Variants in CCDC144A observed in about 807,000 individuals in gnomAD.
CCDC144A encodes coiled-coil domain containing 144A, also known as coiled-coil domain-containing protein 144A.
Under a neutral mutation model 143.8 loss-of-function variants are expected in CCDC144A, and 41 were observed. The ratio of observed to expected loss-of-function variants is 0.29; its 90% CI spans 0.22 to 0.37. The LOEUF is 0.37. Ranked by LOEUF, CCDC144A falls within the 10% of genes least tolerant of loss-of-function variation. CCDC144A has a pLI of 1.00. For missense variants in CCDC144A, 637 were observed against 1,488.8 expected (o/e 0.43, Z 9.41); for synonymous variants, 242 against 517.9 (o/e 0.47, Z 7.23).
rs537987500 is a variant in CCDC144A at position 16,776,928 on chromosome 17, A to T, written c.*3295A>T. On this transcript the variant is annotated 3_prime_UTR_variant, in exon 17 of 17. Coordinates refer to ENST00000399273, the MANE Select transcript of CCDC144A (RefSeq NM_001382000.1). ...ATATAGAATGGCAGAATGGGTAAGA[A>T]TTCACCAACCAAGTTGCTGCTGTCT... 2.0e-5 allele frequency: 3 copies of T among 147,716 alleles called. No individual in the cohort carries two copies. Among genetic ancestry groups the T allele is most frequent in the Non-Finnish European group, 4.5e-5 (3 of 66,674 alleles). 9.2% of individuals were successfully genotyped at this position (147,716 alleles called of 1,614,324 possible).
intron 12 of CCDC144A, among the ~76,000 whole-genome samples, chr17:16,752,410 G>A (rs1397902349): frequency 1.3e-5 from 2 of 152,280 alleles, no homozygotes; most frequent in East Asian, 3.9e-4. Context: ...GAGCACACCC[G>A]GCTCCCACAC....
intron 12 of CCDC144A, chr17:16,745,552 T>A (rs1914457911): frequency 2.9e-6 from 4 of 1,377,756 alleles, no homozygotes; most frequent in Non-Finnish European, 4.0e-6. Flanking sequence ...TAAGTTCTCC[T>A]TCCCAGTCAC....
chr17:16,675,335 A>C, the CCDC144A span, among the ~76,000 whole-genome samples: 1 of 151,752 alleles, frequency 6.6e-6, no homozygotes, highest in South Asian at 2.1e-4. Context: ...GTATTCAGGG[A>C]TAAAGAGAGA....
rs760344292 is a variant in CCDC144A at position 16,724,787 on chromosome 17, ATTTTTTTTTTTTTTTTTTTTTT to A, written c.1892-2725_1892-2704del. 7.1e-4 allele frequency among the ~76,000 whole-genome samples: 25 copies of A among 35,068 alleles called. 1 individual carries two copies. Among genetic ancestry groups the A allele is most frequent in the Admixed American group, 4.8e-4 (1 of 2,086 alleles). 23.0% of individuals were successfully genotyped at this position (35,068 alleles called of 152,430 possible). The stretch of plus-strand genomic sequence containing the variant: ...AGATTACACGTTCTTGATTAACTGA[ATTTTTTTTTTTTTTTTTTTTTT>A]TTTTTTTTTTTTTTGGTATTTTTAG... On this transcript the variant is annotated intron_variant, in intron 8 of 16. Coordinates refer to ENST00000399273, the MANE Select transcript of CCDC144A (RefSeq NM_001382000.1).
At chr17:16,702,687 T>TA (rs1567585546) in intron 2 of CCDC144A, among the ~76,000 whole-genome samples, 1 of 151,932 alleles carries the variant, frequency 6.6e-6, no homozygotes, top group Admixed American at 6.6e-5. Context: ...AGTGTCAGGA[T>TA]AGAAGGAAGA....
intron 6 of CCDC144A, among the ~76,000 whole-genome samples, chr17:16,714,193 T>C (rs542101996): frequency 6.6e-6 from 1 of 152,352 alleles, no homozygotes; most frequent in South Asian, 2.1e-4. Context: ...CACATTGATA[T>C]GTCCCAGGAC....
intron 14 of CCDC144A, among the ~76,000 whole-genome samples, chr17:16,763,231 C>T (rs1190858836): frequency 6.6e-6 from 1 of 151,870 alleles, no homozygotes; most frequent in African/African-American, 2.4e-5. Flanking sequence ...GATACATGGG[C>T]CGCAGTGTTA....
chr17:16,715,584 G>T (rs1238786563), intron 6 of CCDC144A, among the ~76,000 whole-genome samples: 2 of 152,052 alleles, frequency 1.3e-5, no homozygotes, highest in Admixed American at 6.5e-5. Context: ...TAAAATATAA[G>T]GGTGGTAAAT....
the CCDC144A span, among the ~76,000 whole-genome samples, chr17:16,667,328 GA>G: frequency 2.1e-5 from 3 of 145,522 alleles, no homozygotes; most frequent in Non-Finnish European, 4.5e-5. Flanking sequence ...GGAGGCTGAG[GA>G]GGCTGAGGCG....
intron 15 of CCDC144A, chr17:16,765,377 A>G (rs1355480390): frequency 6.6e-6 from 1 of 151,782 alleles, no homozygotes; most frequent in East Asian, 1.9e-4. Context: ...GCACTGCAGC[A>G]TTCCAATCTG....
At chr17:16,673,549 G>A in the CCDC144A span, among the ~76,000 whole-genome samples, 30 of 151,834 alleles carry the variant, frequency 2.0e-4, no homozygotes, top group African/African-American at 6.5e-4. Flanking sequence ...ACCACGCCCG[G>A]CTAATTTTGT....
At chr17:16,670,093 A>G in the CCDC144A span, among the ~76,000 whole-genome samples, 1 of 151,578 alleles carries the variant, frequency 6.6e-6, no homozygotes, top group Non-Finnish European at 1.5e-5. Flanking sequence ...AGGCAGGAGA[A>G]TCCCTTGAAC....
the CCDC144A span, among the ~76,000 whole-genome samples, chr17:16,675,490 C>G: frequency 6.6e-6 from 1 of 150,500 alleles, no homozygotes; most frequent in East Asian, 1.9e-4. Flanking sequence ...TACAGCTTCC[C>G]ACACTGAAAT....
At chr17:16,700,527 C>T (rs1008368553) in intron 2 of CCDC144A, among the ~76,000 whole-genome samples, 5 of 152,088 alleles carry the variant, frequency 3.3e-5, no homozygotes, top group African/African-American at 7.2e-5. Context: ...GTCCCAAACA[C>T]CAGCCAAGGA....
At chr17:16,755,701 A>G (rs1349309537) in intron 12 of CCDC144A, among the ~76,000 whole-genome samples, 1 of 152,192 alleles carries the variant, frequency 6.6e-6, no homozygotes, top group Non-Finnish European at 1.5e-5. Context: ...CTGGGACCAC[A>G]GGCATGAGCC....
chr17:16,698,079 G>A (rs1354954594), intron 2 of CCDC144A, among the ~76,000 whole-genome samples: 2 of 151,942 alleles, frequency 1.3e-5, no homozygotes, highest in African/African-American at 4.8e-5. Context: ...ATGGAACTCT[G>A]AGGTTGGAGT....
At chr17:16,705,753 C>G (rs969592411) in intron 3 of CCDC144A, 2 of 276,696 alleles carry the variant, frequency 7.2e-6, no homozygotes, top group Non-Finnish European at 1.4e-5. Flanking sequence ...TTTATTTTTA[C>G]AGCTCTGAAT....
intron 15 of CCDC144A, among the ~76,000 whole-genome samples, chr17:16,769,279 A>G (rs1255058407): frequency 6.6e-6 from 1 of 152,224 alleles, no homozygotes; most frequent in Non-Finnish European, 1.5e-5. Context: ...TAGATCTGAT[A>G]TCCTCTCAAG....
Position 16,740,265 on chromosome 17 carries a change from C to T in CCDC144A, c.3372+4622C>T, listed in dbSNP as rs909294860. ...ACCCAGCACCTGGTTCTCTTGTACA[C>T]TCCCGGAGCTGAATCCTCTTCTTGG... On this transcript the variant is annotated intron_variant, in intron 12 of 16. Transcript: ENST00000399273. Among the ~76,000 whole-genome samples the T allele has an allele frequency of 1.2e-4, 18 of 152,154 alleles. 1 individual carries two copies. The highest frequency in any genetic ancestry group is 2.6e-4 in the Non-Finnish European group (18 of 68,028).
Sources: allele counts gnomAD v4.1 joint callset (sites outside exome capture counted in the v4.1 genomes callset), GRCh38; gene constraint gnomAD v4.1.1; transcripts MANE v1.5; gene names NCBI Gene and HGNC (gene_info 2026-07-23, HGNC 2026-07-21).